IMMT: variants seen among roughly 807,000 people sequenced by gnomAD.
IMMT encodes the protein inner membrane mitochondrial protein.
A neutral mutation model predicts 92.7 loss-of-function variants in IMMT; 40 were observed. That is an observed-to-expected ratio of 0.43 (90% confidence interval 0.34 to 0.56). IMMT has a LOEUF of 0.56. Among genes scored for constraint, IMMT ranks in the 20% least tolerant of loss-of-function variants. The pLI is 0.03. For missense variants in IMMT, 831 were observed against 912.1 expected, an observed-to-expected ratio of 0.91 and a Z score of 1.14; for synonymous variants, 322 against 336.1, an observed-to-expected ratio of 0.96 and a Z score of 0.46.
At position 86,144,297 on chromosome 2, in the gene IMMT, T is replaced by G; in HGVS notation, c.2248A>C (p.Ile750Leu). The G allele has an allele frequency of 6.2e-7, 1 of 1,613,956 alleles. No individual in the cohort carries two copies. The highest frequency in any genetic ancestry group is 8.5e-7 in the Non-Finnish European group (1 of 1,179,864). ...ILTAYASAVGIGTTQVQPE is the reference protein window; with the variant it reads ...ILTAYASAVGLGTTQVQPE ...TCTGGCTGCACCTGAGTGGTTCCTA[T>G]TCCTACGGCGCTGGCATATGCTGTC... The change falls in exon 15 of 15, where the codon ATA becomes CTA. Residue 750 changes from isoleucine to leucine, a missense_variant. Transcript: ENST00000410111.
At chr2:86,174,951 A>G (rs1677333191) in intron 3 of IMMT, among the ~76,000 whole-genome samples, 1 of 152,216 alleles carries the variant, frequency 6.6e-6, no homozygotes, top group Non-Finnish European at 1.5e-5. Context: ...ACCGTAGTGT[A>G]ATATCTATGG....
chr2:86,179,950 A>G (rs1376270005), intron 2 of IMMT, among the ~76,000 whole-genome samples: 1 of 152,114 alleles, frequency 6.6e-6, no homozygotes, highest in African/African-American at 2.4e-5. Flanking sequence ...CAGGTGTAGT[A>G]GCACGTGCCC....
intron 12 of IMMT, among the ~76,000 whole-genome samples, chr2:86,149,314 A>G (rs1675284184): frequency 6.6e-6 from 1 of 152,244 alleles, no homozygotes; most frequent in African/African-American, 2.4e-5. Context: ...AGATATAGTC[A>G]AGGTACAGAC....
At chr2:86,178,427 C>T (rs946293743) in intron 3 of IMMT, among the ~76,000 whole-genome samples, 3 of 151,262 alleles carry the variant, frequency 2.0e-5, no homozygotes, top group African/African-American at 7.3e-5. Flanking sequence ...GAGTTCAAGA[C>T]CAGCCTGGAC....
chr2:86,152,777 G>A (rs1358686348), intron 11 of IMMT, among the ~76,000 whole-genome samples: 3 of 151,598 alleles, frequency 2.0e-5, no homozygotes, highest in African/African-American at 7.3e-5. Flanking sequence ...AAAGAATTAT[G>A]ACTCCATCAC....
At chr2:86,191,784 A>T (rs1673138984) in intron 1 of IMMT, among the ~76,000 whole-genome samples, 1 of 149,584 alleles carries the variant, frequency 6.7e-6, no homozygotes. Context: ...GCGTGGTGGC[A>T]GGCGCCTGTA....
At chr2:86,145,494 C>CAAAA (rs10554362) in intron 14 of IMMT, among the ~76,000 whole-genome samples, 44 of 76,220 alleles carry the variant, frequency 5.8e-4, no homozygotes, top group East Asian at 1.2e-3. Flanking sequence ...GACTCTGTCT[C>CAAAA]AAAAAAAAAA....
chr2:86,164,092 T>G (rs112863904), intron 7 of IMMT, among the ~76,000 whole-genome samples: 2,704 of 133,258 alleles, frequency 0.02, 104 homozygotes, highest in African/African-American at 0.069. Context: ...AGTTTCATTC[T>G]TGTTGCCCAG....
intron 14 of IMMT, 123 bp from the exon 15 acceptor site, chr2:86,145,004 T>C: frequency 2.6e-6 from 3 of 1,133,378 alleles, no homozygotes; most frequent in Non-Finnish European, 3.7e-6. Flanking sequence ...AGAGAGACTT[T>C]CTTACAACCC....
At chr2:86,174,109 T>A (rs1018002102) in intron 3 of IMMT, among the ~76,000 whole-genome samples, 4 of 152,236 alleles carry the variant, frequency 2.6e-5, no homozygotes, top group African/African-American at 4.8e-5. Flanking sequence ...AATCAAACTA[T>A]GATGTCTTCT....
chr2:86,163,068 C>T (rs1046266180), intron 7 of IMMT, among the ~76,000 whole-genome samples: 2 of 152,168 alleles, frequency 1.3e-5, no homozygotes, highest in Non-Finnish European at 2.9e-5. Context: ...GGTGCAGTGG[C>T]TCATGCCTGT....
chr2:86,185,464 T>C (rs1346809581), intron 1 of IMMT, among the ~76,000 whole-genome samples: 1 of 152,036 alleles, frequency 6.6e-6, no homozygotes, highest in Non-Finnish European at 1.5e-5. Flanking sequence ...TCTAAGGAGG[T>C]GCCCCTCAGA....
intron 14 of IMMT, among the ~76,000 whole-genome samples, chr2:86,145,494 CAAAAAA>C (rs10554362): frequency 1.0e-3 from 78 of 76,300 alleles, no homozygotes; most frequent in African/African-American, 3.3e-3. Context: ...GACTCTGTCT[CAAAAAA>C]AAAAAAAAAA....
intron 1 of IMMT, among the ~76,000 whole-genome samples, chr2:86,194,205 A>C (rs1485232693): frequency 1.3e-5 from 2 of 152,248 alleles, no homozygotes; most frequent in Non-Finnish European, 2.9e-5. Flanking sequence ...CCTGATCTCC[A>C]AATGAGAACC....
At position 86,144,023 on chromosome 2, in the gene IMMT, A is replaced by AGC; in HGVS notation, c.*243_*244dup. ...AAACATTATTTTGATTGGCCTCACA[A>AGC]GCCTCATCAGTAAAACCTGAAAAAA... On this transcript the variant is annotated 3_prime_UTR_variant, in exon 15 of 15. Transcript: ENST00000410111. 1 of 567,824 alleles carries AGC rather than the reference A, an allele frequency of 1.8e-6. No homozygotes were observed. 35.2% of individuals were successfully genotyped at this position (567,824 alleles called of 1,614,324 possible).
chr2:86,151,698 T>C (rs1333063238), intron 11 of IMMT, among the ~76,000 whole-genome samples, 178 bp from the exon 12 acceptor site: 1 of 152,204 alleles, frequency 6.6e-6, no homozygotes, highest in Non-Finnish European at 1.5e-5. Context: ...TCCAATAAGG[T>C]ATTTTCAACC....
intron 1 of IMMT, among the ~76,000 whole-genome samples, chr2:86,187,560 T>C (rs556963174): frequency 1.3e-5 from 2 of 152,336 alleles, no homozygotes; most frequent in Admixed American, 1.3e-4. Context: ...TTTGAACACC[T>C]GTTTTTTATT....
chr2:86,144,242 T>C lies in IMMT; in HGVS notation c.*26A>G, dbSNP rs775309637. 6 of 1,610,450 alleles carry C rather than the reference T, an allele frequency of 3.7e-6. No individual in the cohort carries two copies. Among genetic ancestry groups the C allele is most frequent in the African/African-American group, 1.3e-5 (1 of 74,800 alleles). On this transcript the variant is annotated 3_prime_UTR_variant, in exon 15 of 15. Coordinates refer to ENST00000410111, the MANE Select transcript of IMMT (RefSeq NM_006839.3). Reference sequence around the variant, plus strand: ...TGCTGATTTCCTTTGACATGAAATATGACTTTATGAAAATCTTCCTAAACC... The same window carrying C: ...TGCTGATTTCCTTTGACATGAAATACGACTTTATGAAAATCTTCCTAAACC...
At chr2:86,166,719 A>G in intron 6 of IMMT, 75 bp from the exon 7 acceptor site, 1 of 1,370,438 alleles carries the variant, frequency 7.3e-7, no homozygotes, top group Non-Finnish European at 9.7e-7. Flanking sequence ...CTGTTCTCCT[A>G]TCTAGTCTTC....
Sources: allele counts gnomAD v4.1 joint callset (sites outside exome capture counted in the v4.1 genomes callset), GRCh38; gene constraint gnomAD v4.1.1; transcripts MANE v1.5; gene names NCBI Gene and HGNC (gene_info 2026-07-23, HGNC 2026-07-21).